The following RORC variants were observed in gnomAD, a reference collection of about 807,000 sequenced individuals.
The protein encoded by RORC is nuclear receptor ROR-gamma.
RORC carries 13 observed loss-of-function variants against 64.5 expected under a neutral mutation model. That is an observed-to-expected ratio of 0.20 (90% CI 0.13 to 0.32). The LOEUF is 0.32. Among genes scored for constraint, RORC ranks in the 10% least tolerant of loss-of-function variants. The probability of loss-of-function intolerance (pLI) is 1.00; values close to 1 mark genes in which losing one functional copy is unlikely to be tolerated. For synonymous variants in RORC, 277 were observed against 259.3 expected, an observed-to-expected ratio of 1.07 and a Z score of -0.65; for missense variants, 468 against 669.5, an observed-to-expected ratio of 0.70 and a Z score of 3.32.
intron 6 of RORC, 90 bp downstream of exon 6, chr1:151,814,484 C>T (rs1332598165): frequency 3.5e-6 from 5 of 1,418,542 alleles, no homozygotes; most frequent in Non-Finnish European, 4.8e-6. Flanking sequence ...CCCGCCCTGC[C>T]CCAGGACCCA....
intron 2 of RORC, among the ~76,000 whole-genome samples, chr1:151,820,505 C>T (rs985790725): frequency 1.3e-5 from 2 of 152,108 alleles, no homozygotes; most frequent in African/African-American, 4.8e-5. Flanking sequence ...GGTCAGGAAC[C>T]TCGAACCAGC....
rs1340628389 is a variant in RORC, at chr1:151,807,430, G to T, written c.*42C>A. ...GGTGGAACGGGGTCCAGGGAGGTGG[G>T]CCAGCAGGCCATAGGGAGAGGCAAG... On this transcript the variant is annotated 3_prime_UTR_variant, in exon 11 of 11. Coordinates refer to ENST00000318247, the MANE Select transcript of RORC (RefSeq NM_005060.4). This position sits in a 1 kb window ranked among gnomAD's most constrained non-coding sequence, Gnocchi z 5.0. 6.2e-7 allele frequency: 1 copy of T among 1,601,086 alleles called. No individual in the cohort carries two copies. The highest frequency in any genetic ancestry group is 1.3e-5 in the African/African-American group (1 of 74,786).
In RORC at chr1:151,820,225, GTTACTTGTA is replaced by G. The variant is rs200073207; in HGVS notation, c.71-2954_71-2946del. ...CAGTGCTGTGTACATGAGGGTGTGT[GTTACTTGTA>G]GAGAAGGGGTGGGGGAGAACGGGAA... is the stretch of plus-strand genomic sequence containing the variant. On this transcript the variant is annotated intron_variant, in intron 2 of 10. Transcript: ENST00000318247. 6.9e-3 allele frequency among the ~76,000 whole-genome samples: 1,055 copies of G among 152,054 alleles called. 18 individuals are homozygous for G. The highest frequency in any genetic ancestry group is 0.021 in the East Asian group (107 of 5,164).
chr1:151,826,017 C>T, intron 2 of RORC: 1 of 1,603,300 alleles, frequency 6.2e-7, no homozygotes, highest in Non-Finnish European at 8.5e-7. Flanking sequence ...CAGCTGGCGG[C>T]AGAGGCGGGG....
In RORC at chr1:151,815,093, C is replaced by T. The variant is rs771764170; in HGVS notation, c.631G>A (p.Ala211Thr). 6.2e-7 allele frequency: 1 copy of T among 1,614,252 alleles called. No homozygotes were observed. The stretch of plus-strand genomic sequence containing the variant: ...CTATAGAAGCTCTCTCTGCCCTCAG[C>T]CTTGCCCCGCTCAGGGCTGTATTCA... ...HLEYSPERGKAEGRESFYSTG... is the reference protein window; with the variant it reads ...HLEYSPERGKTEGRESFYSTG... The change falls in exon 5 of 11, where the codon GCT becomes ACT. Residue 211 changes from alanine (A) to threonine (T), a missense_variant. Coordinates refer to ENST00000318247, the MANE Select transcript of RORC (RefSeq NM_005060.4).
At chr1:151,824,757 T>C (rs959226195) in intron 2 of RORC, among the ~76,000 whole-genome samples, 2 of 152,156 alleles carry the variant, frequency 1.3e-5, no homozygotes, top group Non-Finnish European at 2.9e-5. Flanking sequence ...CCATAGTTGG[T>C]TTTGTTGTTC....
chr1:151,813,087 G>A, intron 8 of RORC, 30 bp from the exon 9 acceptor site: 1 of 1,552,384 alleles, frequency 6.4e-7, no homozygotes, highest in East Asian at 2.2e-5. Flanking sequence ...AAAAGTGAGA[G>A]AGTGGCTGGA....
Position 151,830,813 on chromosome 1 carries a change from C to CA in RORC, c.40+911_40+912insT. ...CAAGGCCCCACCCAGCCCCGCCCAC[C>CA]TCCCCTTGCTCCTGCCTGGCCCCAC... On this transcript the variant is annotated intron_variant, in intron 1 of 10. Coordinates refer to ENST00000318247, the MANE Select transcript of RORC (RefSeq NM_005060.4). This position sits in a 1 kb window ranked among gnomAD's most constrained non-coding sequence, Gnocchi z 4.0. 2.0e-6 allele frequency: 1 copy of CA among 501,210 alleles called. No individual in the cohort carries two copies. Among genetic ancestry groups the CA allele is most frequent in the Non-Finnish European group, 3.2e-6 (1 of 313,722 alleles). The allele number at this position is 501,210 out of a possible 1,614,324, so 31.0% of individuals were successfully genotyped here.
intron 2 of RORC, among the ~76,000 whole-genome samples, chr1:151,824,281 G>A (rs966554328): frequency 1.3e-5 from 2 of 152,104 alleles, no homozygotes; most frequent in African/African-American, 2.4e-5. Context: ...CTACTTCCCC[G>A]CCTGGGTGGG....
chr1:151,809,673 C>G (rs1651445244), intron 10 of RORC, among the ~76,000 whole-genome samples: 1 of 152,084 alleles, frequency 6.6e-6, no homozygotes, highest in African/African-American at 2.4e-5. Context: ...AATTGCTCTC[C>G]CAGATTCCTG....
intron 1 of RORC, 67 bp downstream of exon 1, chr1:151,831,658 C>A: frequency 6.2e-7 from 1 of 1,608,534 alleles, no homozygotes; most frequent in South Asian, 1.1e-5. Context: ...AGTCTCTTGC[C>A]ATTTCTGCCC....
intron 2 of RORC, among the ~76,000 whole-genome samples, chr1:151,825,148 C>A (rs760284759): frequency 6.6e-6 from 1 of 152,132 alleles, no homozygotes; most frequent in East Asian, 1.9e-4. Flanking sequence ...AACTGTTGGC[C>A]CAGGGCTCCA....
At chr1:151,827,527 G>A (rs1208894990) in intron 2 of RORC, among the ~76,000 whole-genome samples, 1 of 152,214 alleles carries the variant, frequency 6.6e-6, no homozygotes, top group South Asian at 2.1e-4. Flanking sequence ...GTTCCCCCGG[G>A]TTCCCCATCT....
At chr1:151,827,232 G>T (rs995184148) in intron 2 of RORC, among the ~76,000 whole-genome samples, 1 of 152,246 alleles carries the variant, frequency 6.6e-6, no homozygotes, top group African/African-American at 2.4e-5. Context: ...GCTAGTAAGT[G>T]GCAGAGTCAG....
In RORC at chr1:151,830,633, C is replaced by CAT. The variant is rs1652370148; in HGVS notation, c.40+1091_40+1092insAT. On this transcript the variant is annotated intron_variant, in intron 1 of 10. Coordinates refer to ENST00000318247, the MANE Select transcript of RORC (RefSeq NM_005060.4). This position sits in a 1 kb window ranked among gnomAD's most constrained non-coding sequence, Gnocchi z 4.0. ...TTGACACCTGACATACACACACACA[C>CAT]ACACACACACACACACACACACACA... is the stretch of plus-strand genomic sequence containing the variant. 7.1e-6 allele frequency among the ~76,000 whole-genome samples: 1 copy of CAT among 140,364 alleles called. No homozygotes were observed. Among genetic ancestry groups the CAT allele is most frequent in the Non-Finnish European group, 1.6e-5 (1 of 63,160 alleles). The allele number at this position is 140,364 out of a possible 152,430, so 92.1% of individuals were successfully genotyped here.
intron 2 of RORC, 71 bp downstream of exon 2, chr1:151,829,358 A>C (rs1652320557): frequency 7.0e-7 from 1 of 1,422,562 alleles, no homozygotes; most frequent in Non-Finnish European, 9.5e-7. Context: ...GTCCCCCCAC[A>C]GATCACTTGC....
rs117139698 is a variant in RORC at position 151,828,223 on chromosome 1, T to C, written c.70+1206A>G. On this transcript the variant is annotated intron_variant, in intron 2 of 10. Coordinates refer to ENST00000318247, the MANE Select transcript of RORC (RefSeq NM_005060.4). ...TAGACAATTTTGGCATTGGGCGAGATGGCAGTGAGCTCTCAGGAGGAACTG... is the reference window on the plus strand; with the variant it reads ...TAGACAATTTTGGCATTGGGCGAGACGGCAGTGAGCTCTCAGGAGGAACTG... 8.7e-4 allele frequency among the ~76,000 whole-genome samples: 133 copies of C among 152,238 alleles called. 1 individual carries two copies. The East Asian group carries it at 0.022, about 25-fold the overall frequency.
intron 2 of RORC, among the ~76,000 whole-genome samples, chr1:151,823,350 G>A (rs553601770): frequency 1.3e-5 from 2 of 152,214 alleles, no homozygotes; most frequent in Non-Finnish European, 2.9e-5. Context: ...TTGGCGCCAC[G>A]CTGGCCATGC....
chr1:151,815,545 C>T, intron 4 of RORC, 120 bp from the exon 5 acceptor site: 1 of 1,301,586 alleles, frequency 7.7e-7, no homozygotes, highest in South Asian at 1.8e-5. Flanking sequence ...TGACTCCAAG[C>T]ACAGCTTCTC....
Sources: gnomAD v4.1 joint callset for allele counts (sites outside exome capture counted in the v4.1 genomes callset) on GRCh38, gnomAD v4.1.1 for gene constraint, Gnocchi (gnomAD v3.1) non-coding constraint, MANE v1.5 for transcripts, NCBI Gene and HGNC (gene_info 2026-07-23, HGNC 2026-07-21) for gene names.